The following DMD variants were observed in gnomAD, a reference collection of about 807,000 sequenced individuals.
DMD encodes the protein dystrophin, also known as mutant dystrophin.
Under a neutral mutation model 330.1 loss-of-function variants are expected in DMD, and 63 were observed. That is an observed-to-expected ratio of 0.19 (90% confidence interval 0.16 to 0.24). The LOEUF (loss-of-function observed/expected upper bound fraction) is 0.24. Ranked by LOEUF, DMD falls within the 10% of genes least tolerant of loss-of-function variation. The pLI is 1.00. For synonymous variants in DMD, 1,223 were observed against 959.8 expected, an observed-to-expected ratio of 1.27 and a Z score of -5.07; for missense variants, 3,344 against 2,684.1, an observed-to-expected ratio of 1.25 and a Z score of -5.43.
intron 16 of DMD, among the ~76,000 whole-genome samples, chrX:32,554,515 A>G (rs2049941963): frequency 9.0e-6 from 1 of 110,575 alleles, no homozygotes; most frequent in Admixed American, 9.7e-5. Flanking sequence ...TAGAAAACCT[A>G]GAGGAAATGG....
chrX:32,725,141 A>G (rs1246886984), intron 7 of DMD, among the ~76,000 whole-genome samples: 1 of 111,307 alleles, frequency 9.0e-6, no homozygotes. Context: ...CATTTCTGCA[A>G]TAACAGTTAA....
intron 51 of DMD, among the ~76,000 whole-genome samples, chrX:31,730,564 T>C (rs1164615491): frequency 9.0e-6 from 1 of 111,354 alleles, no homozygotes; most frequent in African/African-American, 3.3e-5. Context: ...CTTCAGTGTC[T>C]ATTTTCTCTG....
At chrX:33,113,245 C>T (rs1037795247) in intron 1 of DMD, among the ~76,000 whole-genome samples, 10 of 108,117 alleles carry the variant, frequency 9.2e-5, no homozygotes, top group African/African-American at 1.3e-4. Flanking sequence ...TTAGTAGAGA[C>T]GGGGTTTCAC....
intron 49 of DMD, among the ~76,000 whole-genome samples, chrX:31,829,462 ATTT>A (rs200083654): frequency 1.4e-4 from 15 of 108,469 alleles, no homozygotes; most frequent in African/African-American, 3.7e-4. Flanking sequence ...ATAAAAAAAA[ATTT>A]TTTAATTAAG....
At chrX:32,154,804 G>C (rs1410422825) in intron 44 of DMD, among the ~76,000 whole-genome samples, 2 of 109,956 alleles carry the variant, frequency 1.8e-5, no homozygotes, top group East Asian at 5.7e-4. Context: ...GATTCCCCTA[G>C]CAGGAGTCTC....
intron 52 of DMD, among the ~76,000 whole-genome samples, chrX:31,694,307 T>C (rs888886710): frequency 5.5e-5 from 6 of 109,866 alleles, no homozygotes; most frequent in Admixed American, 3.9e-4. Context: ...TACAAAAACA[T>C]AAGAGAAGAG....
chrX:32,540,848 A>C (rs1346401798), intron 17 of DMD, among the ~76,000 whole-genome samples: 1 of 111,908 alleles, frequency 8.9e-6, no homozygotes, highest in East Asian at 2.8e-4. Flanking sequence ...AATGAGAATA[A>C]TACTGAATGC....
intron 29 of DMD, among the ~76,000 whole-genome samples, chrX:32,414,015 G>T (rs761606635): frequency 9.0e-6 from 1 of 111,104 alleles, no homozygotes; most frequent in African/African-American, 3.3e-5. Flanking sequence ...GACATTGCGC[G>T]CAGCCAAAAG....
intron 9 of DMD, among the ~76,000 whole-genome samples, chrX:32,673,668 G>A (rs1269490365): frequency 8.9e-6 from 1 of 111,813 alleles, no homozygotes; most frequent in African/African-American, 3.2e-5. Flanking sequence ...TTGTGACAAA[G>A]TAGACGATCC....
At chrX:32,705,893 T>C in intron 7 of DMD, among the ~76,000 whole-genome samples, 1 of 110,480 alleles carries the variant, frequency 9.1e-6, no homozygotes, top group Non-Finnish European at 1.9e-5. Flanking sequence ...CCCAAAGGAC[T>C]ATAAATCATG....
At chrX:31,339,826 C>A (rs1288723805) in intron 61 of DMD, among the ~76,000 whole-genome samples, 1 of 111,740 alleles carries the variant, frequency 8.9e-6, no homozygotes, top group Non-Finnish European at 1.9e-5. Flanking sequence ...CTGCCCGCCT[C>A]GGCCTCCCAA....
At chrX:31,516,278 C>CAAAAA (rs72056571) in intron 55 of DMD, among the ~76,000 whole-genome samples, 6 of 51,867 alleles carry the variant, frequency 1.2e-4, no homozygotes, top group Admixed American at 2.4e-4. Context: ...AAAACAAGCG[C>CAAAAA]AAAAAAAAAA....
At chrX:31,750,470 C>T (rs763763371) in intron 51 of DMD, among the ~76,000 whole-genome samples, 138 of 110,351 alleles carry the variant, frequency 1.3e-3, no homozygotes, top group African/African-American at 4.5e-3. Context: ...TGCGGCGTTA[C>T]TTCTGAGGGC....
chrX:31,770,640 C>T (rs2090281497), intron 51 of DMD, among the ~76,000 whole-genome samples: 1 of 111,823 alleles, frequency 8.9e-6, no homozygotes, highest in African/African-American at 3.2e-5. Flanking sequence ...AACAGCATCA[C>T]CCACACAATA....
intron 1 of DMD, among the ~76,000 whole-genome samples, chrX:33,205,803 T>A (rs1316318341): frequency 8.9e-6 from 1 of 112,200 alleles, no homozygotes; most frequent in African/African-American, 3.2e-5. Flanking sequence ...AAAATTTTCA[T>A]GATAGTGAAG....
intron 53 of DMD, among the ~76,000 whole-genome samples, chrX:31,662,355 A>G (rs151133719): frequency 9.0e-6 from 1 of 111,502 alleles, no homozygotes; most frequent in Non-Finnish European, 1.9e-5. Flanking sequence ...TAATGAGTCA[A>G]ACTATATTCC....
chrX:32,791,327 C>T (rs2075803987), intron 7 of DMD, among the ~76,000 whole-genome samples: 1 of 111,801 alleles, frequency 8.9e-6, no homozygotes, highest in South Asian at 3.7e-4. Flanking sequence ...AAGCAAGCCA[C>T]CTATAAGCCA....
chrX:32,022,766 A>T (rs1297159530), intron 44 of DMD, among the ~76,000 whole-genome samples: 1 of 111,435 alleles, frequency 9.0e-6, no homozygotes, highest in Non-Finnish European at 1.9e-5. Flanking sequence ...AAACAATGTC[A>T]TATATTGCAA....
intron 44 of DMD, among the ~76,000 whole-genome samples, chrX:32,091,461 A>G (rs1422276012): frequency 9.0e-6 from 1 of 111,631 alleles, no homozygotes; most frequent in Non-Finnish European, 1.9e-5. Flanking sequence ...TTAGAAACCA[A>G]TGCTCTGGAT....
Sources: allele counts gnomAD v4.1 joint callset (sites outside exome capture counted in the v4.1 genomes callset), GRCh38; gene constraint gnomAD v4.1.1; transcripts MANE v1.5; gene names NCBI Gene and HGNC (gene_info 2026-07-23, HGNC 2026-07-21).